Variants in VPS13A observed in about 807,000 individuals in gnomAD.
VPS13A encodes intermembrane lipid transfer protein VPS13A.
Under a neutral mutation model 390.9 loss-of-function variants are expected in VPS13A, and 264 were observed. The ratio of observed to expected loss-of-function variants is 0.68; its 90% CI spans 0.61 to 0.75. VPS13A has a LOEUF of 0.75. VPS13A is among the 30% of genes least tolerant of loss of function. The pLI is 0.00. For missense variants in VPS13A, 3,409 were observed against 3,733.9 expected, an observed-to-expected ratio of 0.91 and a Z score of 2.27; for synonymous variants, 1,231 against 1,227.1, an observed-to-expected ratio of 1.00 and a Z score of -0.07.
chr9:77,314,999 TGAAAA>T (rs975798533), intron 37 of VPS13A, among the ~76,000 whole-genome samples: 1 of 152,122 alleles, frequency 6.6e-6, no homozygotes, highest in African/African-American at 2.4e-5. Flanking sequence ...CATAAAAAAT[TGAAAA>T]GAAAAAATAT....
chr9:77,371,360 A>G (rs532194607), intron 67 of VPS13A, among the ~76,000 whole-genome samples: 6 of 152,320 alleles, frequency 3.9e-5, no homozygotes, highest in Non-Finnish European at 5.9e-5. Context: ...TTGAGAGGCA[A>G]CATCTGGCTA....
intron 9 of VPS13A, 86 bp downstream of exon 9, chr9:77,213,400 T>A (rs1826081076): frequency 2.7e-6 from 3 of 1,128,058 alleles, no homozygotes; most frequent in Non-Finnish European, 4.0e-6. Flanking sequence ...TATACTGTAG[T>A]CAGTATTTTT....
At chr9:77,246,695 A>G (rs1824835060) in intron 19 of VPS13A, among the ~76,000 whole-genome samples, 1 of 152,146 alleles carries the variant, frequency 6.6e-6, no homozygotes, top group Admixed American at 6.5e-5. Flanking sequence ...TGGTATACTA[A>G]TCACATGCAA....
At chr9:77,249,544 A>G (rs7868029) in intron 20 of VPS13A, among the ~76,000 whole-genome samples, 3,162 of 152,358 alleles carry the variant, frequency 0.021, 79 homozygotes, top group African/African-American at 0.058. Flanking sequence ...TTTTATGAGT[A>G]AGATCTTTAT....
In VPS13A at chr9:77,401,398, C is replaced by T. The variant is rs371615122; in HGVS notation, c.9190-1838C>T. The stretch of plus-strand genomic sequence containing the variant: ...GTAAAAATTGGGAGGGAGTCAATAA[C>T]ATCTTTATTATGATAAATTTTTATA... On this transcript the variant is annotated intron_variant, in intron 68 of 71. Transcript: ENST00000360280. Among the ~76,000 whole-genome samples the T allele has an allele frequency of 4.1e-5, 6 of 147,828 alleles. No homozygotes were observed. In the South Asian group the frequency reaches 1.3e-3, roughly 32 times the overall value.
At chr9:77,252,481 G>C in intron 22 of VPS13A, 129 bp downstream of exon 22, 1 of 827,380 alleles carries the variant, frequency 1.2e-6, no homozygotes, top group Non-Finnish European at 2.1e-6. Flanking sequence ...CCTTGTGTGT[G>C]TGGTAAAATG....
At chr9:77,342,731 A>G (rs886478351) in intron 50 of VPS13A, among the ~76,000 whole-genome samples, 9 of 152,178 alleles carry the variant, frequency 5.9e-5, no homozygotes, top group African/African-American at 2.2e-4. Flanking sequence ...CCAAAATCCA[A>G]AAGAAGTCCA....
At chr9:77,322,902 T>G (rs960175674) in intron 44 of VPS13A, among the ~76,000 whole-genome samples, 165 bp from the exon 45 acceptor site, 1 of 152,098 alleles carries the variant, frequency 6.6e-6, no homozygotes, top group Non-Finnish European at 1.5e-5. Context: ...TGTGGAAATA[T>G]ATGCTGGCTT....
At chr9:77,360,714 T>TA (rs1832096219) in intron 59 of VPS13A, 73 bp downstream of exon 59, 1 of 1,158,440 alleles carries the variant, frequency 8.6e-7, no homozygotes, top group Non-Finnish European at 1.3e-6. Flanking sequence ...TTAAAGGTAT[T>TA]AAAATGACTT....
intron 36 of VPS13A, 75 bp from the exon 37 acceptor site, chr9:77,314,420 G>A: frequency 7.0e-7 from 1 of 1,423,312 alleles, no homozygotes; most frequent in Non-Finnish European, 9.8e-7. Context: ...GCAATAATTT[G>A]TAGTAGTTCA....
chr9:77,192,850 G>A (rs1189240164), intron 1 of VPS13A, among the ~76,000 whole-genome samples: 2 of 152,034 alleles, frequency 1.3e-5, no homozygotes, highest in African/African-American at 4.8e-5. Context: ...GTATCTTGCA[G>A]GGGTTCTATG....
rs1396406619 is a variant in VPS13A, at chr9:77,315,162, A to G, written c.4413-91A>G. The G allele has an allele frequency of 1.3e-5, 15 of 1,173,848 alleles. No individual in the cohort carries two copies. In the East Asian group the frequency reaches 3.4e-4, roughly 27 times the overall value. 72.7% of individuals were successfully genotyped at this position (1,173,848 alleles called of 1,614,324 possible). A position where few individuals can be genotyped will look rare whatever the true frequency, so the allele number is the denominator to read the frequency against. On this transcript the variant is annotated intron_variant, in intron 37 of 71. Coordinates refer to ENST00000360280, the MANE Select transcript of VPS13A (RefSeq NM_033305.3). ...CTTCAGAATGCTTTTTTTTGTCAGT[A>G]AAAGAGATAAGAGGTCTTTGAGTTT...
chr9:77,342,949 T>A (rs112897401), intron 50 of VPS13A, among the ~76,000 whole-genome samples: 40 of 152,232 alleles, frequency 2.6e-4, no homozygotes, highest in African/African-American at 7.7e-4. Context: ...ACCTGGGGGA[T>A]GGAGTAGGAC....
At chr9:77,282,964 A>G (rs1827125034) in intron 29 of VPS13A, among the ~76,000 whole-genome samples, 1 of 152,158 alleles carries the variant, frequency 6.6e-6, no homozygotes, top group South Asian at 2.1e-4. Context: ...TCGAAAAAAA[A>G]AAACAAAAAA....
At chr9:77,179,577 G>A (rs1823879151) in intron 1 of VPS13A, among the ~76,000 whole-genome samples, 1 of 152,072 alleles carries the variant, frequency 6.6e-6, no homozygotes, top group Non-Finnish European at 1.5e-5. Flanking sequence ...TTCAGTTTTT[G>A]GAGGTTATAA....
chr9:77,344,085 T>C, intron 50 of VPS13A, 68 bp from the exon 51 acceptor site: 2 of 1,365,546 alleles, frequency 1.5e-6, no homozygotes, highest in East Asian at 2.5e-5. Flanking sequence ...GATGGGAATA[T>C]TAAGATGATT....
At position 77,302,987 on chromosome 9, in the gene VPS13A, T is replaced by A; in HGVS notation, c.3885T>A (p.Val1295=). Residue 1295 remains valine (V), a synonymous_variant, in exon 34 of 72, where the codon GTT becomes GTA. Transcript: ENST00000360280. ...TGCCATTAAATCTTGAGGTTGTGGT[T>A]GAACGAAATTTATGCTGGGAGTGGT... ...LLLPLNLEVV[V]ERNLCWEWYQ... 6.2e-7 allele frequency: 1 copy of A among 1,614,056 alleles called. No homozygotes were observed. Among genetic ancestry groups the A allele is most frequent in the Non-Finnish European group, 8.5e-7 (1 of 1,179,972 alleles).
intron 32 of VPS13A, among the ~76,000 whole-genome samples, chr9:77,295,329 C>G (rs1355182474): frequency 2.0e-5 from 3 of 151,884 alleles, no homozygotes; most frequent in African/African-American, 7.3e-5. Flanking sequence ...GTTCTGAGGA[C>G]TAGATTTTTA....
intron 71 of VPS13A, among the ~76,000 whole-genome samples, chr9:77,409,207 A>G (rs1834784170): frequency 1.3e-5 from 2 of 152,224 alleles, no homozygotes; most frequent in South Asian, 4.1e-4. Context: ...ACCTCCAGCA[A>G]ACTCCAACAG....
Sources: gnomAD v4.1 joint callset for allele counts (sites outside exome capture counted in the v4.1 genomes callset) on GRCh38, gnomAD v4.1.1 for gene constraint, MANE v1.5 for transcripts, NCBI Gene and HGNC (gene_info 2026-07-23, HGNC 2026-07-21) for gene names.